The following CADM2 variants were observed in gnomAD, a reference collection of about 807,000 sequenced individuals.
CADM2 encodes the protein cell adhesion molecule 2.
A neutral mutation model predicts 49.8 loss-of-function variants in CADM2; 12 were observed. The ratio of observed to expected loss-of-function variants is 0.24; its 90% confidence interval spans 0.15 to 0.39. CADM2 has a LOEUF of 0.39. Ranked by LOEUF, CADM2 falls within the 10% of genes least tolerant of loss-of-function variation. The pLI is 1.00. For synonymous variants in CADM2, 214 were observed against 175.4 expected, an observed-to-expected ratio of 1.22 and a Z score of -1.74; for missense variants, 378 against 492.3, an observed-to-expected ratio of 0.77 and a Z score of 2.20.
At chr3:85,737,786 C>T (rs2068204446) in intron 2 of CADM2, among the ~76,000 whole-genome samples, 1 of 152,062 alleles carries the variant, frequency 6.6e-6, no homozygotes, top group Admixed American at 6.6e-5. Context: ...TCTCGATCTC[C>T]TGACCTCGTG....
At chr3:85,198,467 G>GT (rs1051603723) in intron 1 of CADM2, among the ~76,000 whole-genome samples, 24 of 130,020 alleles carry the variant, frequency 1.8e-4, no homozygotes, top group Non-Finnish European at 1.9e-4. Context: ...TTAATAGCAT[G>GT]TTTTTTTTTT....
intron 1 of CADM2, among the ~76,000 whole-genome samples, chr3:85,600,626 C>T (rs2063363736): frequency 3.3e-5 from 5 of 151,180 alleles, no homozygotes; most frequent in Admixed American, 1.3e-4. Flanking sequence ...CTAAATGCCT[C>T]GTGATTCACA....
chr3:86,065,803 T>C (rs1362604273), intron 9 of CADM2, 73 bp downstream of exon 9: 1 of 1,470,996 alleles, frequency 6.8e-7, no homozygotes, highest in Non-Finnish European at 9.3e-7. Flanking sequence ...AAATATGATA[T>C]CAGTGCATAT....
chr3:85,706,999 C>A (rs1172662353), intron 1 of CADM2, among the ~76,000 whole-genome samples: 1 of 152,114 alleles, frequency 6.6e-6, no homozygotes, highest in East Asian at 1.9e-4. Context: ...CTAGCTTTCA[C>A]TCTGTCACCC....
chr3:85,639,722 A>T (rs1357860556), intron 1 of CADM2, among the ~76,000 whole-genome samples: 2 of 152,206 alleles, frequency 1.3e-5, no homozygotes, highest in Non-Finnish European at 2.9e-5. Context: ...TCTAATACGA[A>T]GGCAAATAGT....
chr3:85,781,967 AT>A (rs1468692727), intron 2 of CADM2, among the ~76,000 whole-genome samples: 1 of 152,222 alleles, frequency 6.6e-6, no homozygotes, highest in Non-Finnish European at 1.5e-5. Flanking sequence ...TACTGCCAAC[AT>A]TTTTTAGCCA....
intron 1 of CADM2, among the ~76,000 whole-genome samples, chr3:85,064,352 CTCT>C (rs2036446021): frequency 6.6e-6 from 1 of 152,080 alleles, no homozygotes; most frequent in Non-Finnish European, 1.5e-5. Context: ...AGGGTTTCTT[CTCT>C]TCTTGTTTGA....
intron 8 of CADM2, among the ~76,000 whole-genome samples, chr3:86,000,664 G>A (rs1730067257): frequency 6.6e-6 from 1 of 150,998 alleles, no homozygotes; most frequent in South Asian, 2.1e-4. Flanking sequence ...CAAATGCAAA[G>A]TTCCTGAGTG....
intron 1 of CADM2, among the ~76,000 whole-genome samples, chr3:85,025,788 C>A (rs1009685354): frequency 6.6e-6 from 1 of 151,754 alleles, no homozygotes; most frequent in Non-Finnish European, 1.5e-5. Context: ...GTTATCAATT[C>A]TGAATGTTTT....
At chr3:86,031,708 CT>C (rs1665260301) in intron 8 of CADM2, among the ~76,000 whole-genome samples, 1 of 151,670 alleles carries the variant, frequency 6.6e-6, no homozygotes, top group Admixed American at 6.6e-5. Context: ...AATTACATTG[CT>C]TGGGAATTAC....
In CADM2 at chr3:85,347,849, C is replaced by T. The variant is rs557123038; in HGVS notation, c.62-378673C>T. Among the ~76,000 whole-genome samples the T allele has an allele frequency of 4.0e-5, 6 of 151,136 alleles. No homozygotes were observed. In the South Asian group the frequency reaches 1.0e-3, roughly 26 times the overall value. ...TTAAGATGGAGTCTCGCTCTGTCGC[C>T]CAGGCTGGAGTGCAGTGGCACGATC... On this transcript the variant is annotated intron_variant, in intron 1 of 9. Transcript: ENST00000383699.
At chr3:85,539,130 A>G (rs2061485483) in intron 1 of CADM2, among the ~76,000 whole-genome samples, 1 of 127,358 alleles carries the variant, frequency 7.9e-6, no homozygotes, top group South Asian at 2.5e-4. Flanking sequence ...ACAATTATTT[A>G]GATTTACATT....
intron 1 of CADM2, among the ~76,000 whole-genome samples, chr3:85,581,527 C>T (rs908480320): frequency 6.6e-6 from 1 of 151,354 alleles, no homozygotes; most frequent in Non-Finnish European, 1.5e-5. Context: ...TTCAAGCTAT[C>T]GAGTCATTTT....
chr3:85,255,311 TACCTTC>T (rs1489910782), intron 1 of CADM2, among the ~76,000 whole-genome samples: 1 of 152,060 alleles, frequency 6.6e-6, no homozygotes, highest in Non-Finnish European at 1.5e-5. Flanking sequence ...TATCTTTAAA[TACCTTC>T]ACTTAAAGGT....
At chr3:84,981,312 A>G (rs1255913749) in intron 1 of CADM2, among the ~76,000 whole-genome samples, 2 of 152,014 alleles carry the variant, frequency 1.3e-5, no homozygotes, top group Non-Finnish European at 2.9e-5. Context: ...AATCCTGTTA[A>G]TAATTACAGA....
At chr3:85,894,548 A>G (rs1286774575) in intron 5 of CADM2, among the ~76,000 whole-genome samples, 6 of 152,150 alleles carry the variant, frequency 3.9e-5, no homozygotes, top group Admixed American at 3.9e-4. Context: ...AAAAATGTGC[A>G]TAAGTAATTA....
chr3:85,008,583 C>T (rs1046531073), intron 1 of CADM2, among the ~76,000 whole-genome samples: 1 of 150,506 alleles, frequency 6.6e-6, no homozygotes, highest in Admixed American at 6.6e-5. Context: ...GAAGTAGGAA[C>T]GGAGAAGAGA....
chr3:85,509,786 C>T (rs1464389123), intron 1 of CADM2, among the ~76,000 whole-genome samples: 1 of 152,036 alleles, frequency 6.6e-6, no homozygotes, highest in Non-Finnish European at 1.5e-5. Context: ...TAAAATCATA[C>T]TGCTTCCTGA....
chr3:86,050,730 C>G (rs1271108817), intron 8 of CADM2, among the ~76,000 whole-genome samples: 1 of 152,118 alleles, frequency 6.6e-6, no homozygotes, highest in Non-Finnish European at 1.5e-5. Context: ...ATCAGTGACC[C>G]AAGTTATAGC....
Sources: gnomAD v4.1 joint callset for allele counts (sites outside exome capture counted in the v4.1 genomes callset) on GRCh38, gnomAD v4.1.1 for gene constraint, MANE v1.5 for transcripts, NCBI Gene and HGNC (gene_info 2026-07-23, HGNC 2026-07-21) for gene names.